The following TOPAZ1 variants were observed in gnomAD, a reference collection of about 807,000 sequenced individuals.
The protein encoded by TOPAZ1 is testis and ovary specific TOPAZ 1, also known as protein TOPAZ1.
TOPAZ1 carries 66 observed loss-of-function variants against 172.2 expected under a neutral mutation model. The ratio of observed to expected loss-of-function variants is 0.38; its 90% CI spans 0.31 to 0.47. The LOEUF is 0.47. TOPAZ1 is among the 20% of genes least tolerant of loss of function. TOPAZ1 has a pLI of 0.99. For synonymous variants in TOPAZ1, 681 were observed against 683.9 expected, an observed-to-expected ratio of 1.00 and a Z score of 0.07; for missense variants, 1,822 against 1,972.4, an observed-to-expected ratio of 0.92 and a Z score of 1.44.
chr3:44,242,673 A>T (rs1396696581), intron 1 of TOPAZ1, among the ~76,000 whole-genome samples, 180 bp from the exon 2 acceptor site: 1 of 152,222 alleles, frequency 6.6e-6, no homozygotes. Flanking sequence ...TAGAATTTAT[A>T]CAGGTTTATA....
At chr3:44,279,088 T>C (rs13320043) in intron 8 of TOPAZ1, among the ~76,000 whole-genome samples, 1,867 of 152,288 alleles carry the variant, frequency 0.012, 30 homozygotes, top group African/African-American at 0.042. Context: ...CTTGACCCGA[T>C]GGTCATTCAG....
At chr3:44,325,868 C>T (rs974357696) in intron 18 of TOPAZ1, among the ~76,000 whole-genome samples, 4 of 152,120 alleles carry the variant, frequency 2.6e-5, no homozygotes, top group African/African-American at 9.7e-5. Flanking sequence ...GTCTTGAACT[C>T]CCAGCCTCAG....
At chr3:44,302,227 G>T (rs924428673) in intron 12 of TOPAZ1, among the ~76,000 whole-genome samples, 8 of 152,070 alleles carry the variant, frequency 5.3e-5, no homozygotes, top group African/African-American at 1.9e-4. Context: ...TGGCTAACAT[G>T]GTGAAGCCCC....
intron 8 of TOPAZ1, among the ~76,000 whole-genome samples, chr3:44,278,803 A>C (rs1268710060): frequency 7.2e-6 from 1 of 139,208 alleles, no homozygotes; most frequent in African/African-American, 2.6e-5. Flanking sequence ...CATTGTGTTG[A>C]TCCTCCTTTT....
rs535239431 is a variant in TOPAZ1 at position 44,257,019 on chromosome 3, A to G, written c.2955+741A>G. 8.5e-5 allele frequency among the ~76,000 whole-genome samples: 13 copies of G among 152,200 alleles called. No homozygotes were observed. In the South Asian group the frequency reaches 2.7e-3, roughly 32 times the overall value. The stretch of plus-strand genomic sequence containing the variant: ...TATGTATGTATGTACAAGTACATAC[A>G]TGTATAGTGGGAAATAAAAGATCAA... On this transcript the variant is annotated intron_variant, in intron 4 of 19. Transcript: ENST00000309765.
intron 9 of TOPAZ1, among the ~76,000 whole-genome samples, chr3:44,283,300 T>C (rs1006061651): frequency 1.5e-4 from 23 of 152,134 alleles, no homozygotes; most frequent in African/African-American, 5.5e-4. Context: ...TAGCTCAGAA[T>C]AGACCTGATA....
At position 44,289,524 on chromosome 3, in the gene TOPAZ1, A is replaced by C. The variant is rs138282382; in HGVS notation, c.3682-1247A>C. Reference sequence around the variant, plus strand: ...CTATTTTTAGTTAAAGTTGTTGAATAACGTGTCTTAGGGTAGCATTTCTAG... The same window carrying C: ...CTATTTTTAGTTAAAGTTGTTGAATCACGTGTCTTAGGGTAGCATTTCTAG... On this transcript the variant is annotated intron_variant, in intron 11 of 19. Coordinates refer to ENST00000309765, the MANE Select transcript of TOPAZ1 (RefSeq NM_001145030.2). 2.2e-3 allele frequency among the ~76,000 whole-genome samples: 333 copies of C among 152,286 alleles called. 1 individual carries two copies. Among genetic ancestry groups the C allele is most frequent in the Non-Finnish European group, 4.1e-3 (280 of 68,022 alleles).
At chr3:44,254,798 A>G (rs1332916656) in intron 2 of TOPAZ1, among the ~76,000 whole-genome samples, 170 bp from the exon 3 acceptor site, 2 of 152,182 alleles carry the variant, frequency 1.3e-5, no homozygotes, top group African/African-American at 2.4e-5. Context: ...CAAACAAAAA[A>G]TCCACTCAGG....
chr3:44,297,466 A>T (rs1242401783), intron 12 of TOPAZ1, among the ~76,000 whole-genome samples: 1 of 152,234 alleles, frequency 6.6e-6, no homozygotes, highest in Non-Finnish European at 1.5e-5. Flanking sequence ...AAGTCAGCAA[A>T]TTATGAATAA....
chr3:44,301,305 A>G (rs1397339306), intron 12 of TOPAZ1, among the ~76,000 whole-genome samples: 1 of 152,240 alleles, frequency 6.6e-6, no homozygotes, highest in African/African-American at 2.4e-5. Context: ...AGATGTCACT[A>G]TTGGAAAAAG....
intron 16 of TOPAZ1, among the ~76,000 whole-genome samples, chr3:44,319,138 A>T (rs763460031): frequency 6.6e-6 from 1 of 152,148 alleles, no homozygotes; most frequent in African/African-American, 2.4e-5. Context: ...GAACCAAGGC[A>T]AGGCGGGGAA....
At chr3:44,299,219 CT>C (rs1230705710) in intron 12 of TOPAZ1, among the ~76,000 whole-genome samples, 2 of 151,796 alleles carry the variant, frequency 1.3e-5, no homozygotes, top group Non-Finnish European at 2.9e-5. Flanking sequence ...CCGTGCCCAG[CT>C]GAGAATATAT....
intron 12 of TOPAZ1, among the ~76,000 whole-genome samples, chr3:44,293,351 A>G (rs574241632): frequency 1.1e-4 from 16 of 152,330 alleles, no homozygotes; most frequent in Admixed American, 7.2e-4. Flanking sequence ...TCCAGAAGGT[A>G]TTCCAGAAGT....
At chr3:44,288,327 T>C (rs1700101090) in intron 11 of TOPAZ1, among the ~76,000 whole-genome samples, 1 of 151,828 alleles carries the variant, frequency 6.6e-6, no homozygotes, top group Admixed American at 6.6e-5. Flanking sequence ...GATATGTGAG[T>C]GAATACCTCA....
At chr3:44,250,973 A>G (rs1699623345) in intron 2 of TOPAZ1, among the ~76,000 whole-genome samples, 1 of 152,156 alleles carries the variant, frequency 6.6e-6, no homozygotes, top group South Asian at 2.1e-4. Context: ...TTCTCTGCCT[A>G]GGGCCACTAC....
chr3:44,293,973 G>A (rs1425620189), intron 12 of TOPAZ1, among the ~76,000 whole-genome samples: 2 of 152,224 alleles, frequency 1.3e-5, no homozygotes, highest in African/African-American at 4.8e-5. Context: ...GGGTACAGTG[G>A]CTCATGCCTG....
At chr3:44,334,599 C>A (rs1046812546), downstream of TOPAZ1, among the ~76,000 whole-genome samples, 2 of 152,048 alleles carry the variant, frequency 1.3e-5, no homozygotes, top group East Asian at 3.9e-4. Context: ...ATTAAAGAGG[C>A]AGGGACCAAA....
In TOPAZ1 at chr3:44,328,314, T is replaced by A. The variant is rs1700625802; in HGVS notation, c.4740T>A (p.Ile1580=). The part of the protein sequence containing the change: ...EGNLYRKLLL[I]PSYLSEIEML... ...ATTTATACCGAAAACTTCTTCTAAT[T>A]CCATCTTATTTATCTGAGATTGAAA... The change falls in exon 19 of 20, where the codon ATT becomes ATA. Residue 1580 remains isoleucine (I), a synonymous_variant. Coordinates refer to ENST00000309765, the MANE Select transcript of TOPAZ1 (RefSeq NM_001145030.2). The A allele has an allele frequency of 1.3e-6, 2 of 1,517,750 alleles. No homozygotes were observed. The highest frequency in any genetic ancestry group is 8.8e-7 in the Non-Finnish European group (1 of 1,134,300). The allele number at this position is 1,517,750 out of a possible 1,614,324, so 94.0% of individuals were successfully genotyped here.
At chr3:44,335,412 T>G (rs1700712422), downstream of TOPAZ1, among the ~76,000 whole-genome samples, 1 of 151,392 alleles carries the variant, frequency 6.6e-6, no homozygotes, top group Non-Finnish European at 1.5e-5. Context: ...GATCACGAGG[T>G]CAGGAGTTTG....
Sources: gnomAD v4.1 joint callset for allele counts (sites outside exome capture counted in the v4.1 genomes callset) on GRCh38, gnomAD v4.1.1 for gene constraint, MANE v1.5 for transcripts, NCBI Gene and HGNC (gene_info 2026-07-23, HGNC 2026-07-21) for gene names.